HIVEP3: variants seen among roughly 807,000 people sequenced by gnomAD.
The protein encoded by HIVEP3 is HIVEP zinc finger 3.
HIVEP3 carries 49 observed loss-of-function variants against 152.8 expected under a neutral mutation model. That is an observed-to-expected ratio of 0.32 (90% CI 0.26 to 0.41). The LOEUF is 0.41. HIVEP3 is among the 10% of genes least tolerant of loss of function. The probability of loss-of-function intolerance (pLI) is 1.00; values close to 1 mark genes in which losing one functional copy is unlikely to be tolerated. For missense variants in HIVEP3, 2,790 were observed against 3,103.3 expected, an observed-to-expected ratio of 0.90 and a Z score of 2.40; for synonymous variants, 1,269 against 1,289.0, an observed-to-expected ratio of 0.98 and a Z score of 0.33.
At chr1:42,027,933 G>A (rs1645591814) in intron 1 of HIVEP3, among the ~76,000 whole-genome samples, 1 of 152,112 alleles carries the variant, frequency 6.6e-6, no homozygotes, top group African/African-American at 2.4e-5. Flanking sequence ...GGAATTCTGG[G>A]AGATACAATT....
At chr1:41,821,867 T>A (rs1044721243) in intron 1 of HIVEP3, among the ~76,000 whole-genome samples, 1 of 152,214 alleles carries the variant, frequency 6.6e-6, no homozygotes, top group Admixed American at 6.5e-5. Flanking sequence ...GTGTTGATCA[T>A]GCTGCAACAG....
rs115276376 is a variant in HIVEP3 at position 41,713,916 on chromosome 1, G to A, written c.-800-12921C>T. Among the ~76,000 whole-genome samples, 1,307 of 152,330 alleles carry A rather than the reference G, an allele frequency of 8.6e-3. 19 individuals are homozygous for A. Among genetic ancestry groups the A allele is most frequent in the African/African-American group, 0.03 (1,234 of 41,568 alleles). On this transcript the variant is annotated intron_variant, in intron 1 of 8. Coordinates refer to ENST00000372583, the MANE Select transcript of HIVEP3 (RefSeq NM_024503.5). The stretch of plus-strand genomic sequence containing the variant: ...GGTGGCAGGGAGCTGAGAGCCCCCC[G>A]AAACAATGCTGCTGGTCAGTGGGCC...
chr1:41,897,257 G>C (rs1205916003), intron 1 of HIVEP3, among the ~76,000 whole-genome samples: 2 of 152,210 alleles, frequency 1.3e-5, no homozygotes, highest in Non-Finnish European at 2.9e-5. Flanking sequence ...TCTTGCTGAA[G>C]GCAGGCAGGT....
At chr1:41,948,096 T>A (rs1278244883) in intron 1 of HIVEP3, among the ~76,000 whole-genome samples, 1 of 152,232 alleles carries the variant, frequency 6.6e-6, no homozygotes, top group Non-Finnish European at 1.5e-5. Flanking sequence ...TTGAGGGGAC[T>A]TTTTAGAGGT....
chr1:41,604,556 C>T (rs1053682641), intron 3 of HIVEP3, among the ~76,000 whole-genome samples: 5 of 152,176 alleles, frequency 3.3e-5, no homozygotes, highest in Non-Finnish European at 5.9e-5. Flanking sequence ...CATAAAAGTG[C>T]TTGCTGAGGA....
chr1:41,564,103 G>T (rs1372920657), intron 5 of HIVEP3, among the ~76,000 whole-genome samples: 1 of 152,172 alleles, frequency 6.6e-6, no homozygotes, highest in Non-Finnish European at 1.5e-5. Flanking sequence ...TGAGGCAGGA[G>T]AATTGCTTGA....
chr1:41,644,701 T>TC (rs1278942386), intron 2 of HIVEP3, among the ~76,000 whole-genome samples: 12 of 144,846 alleles, frequency 8.3e-5, no homozygotes, highest in African/African-American at 2.8e-4. Flanking sequence ...TTCTTTTTTT[T>TC]TTTTTTTTTT....
chr1:41,820,511 T>C lies in HIVEP3; in HGVS notation c.-801+97902A>G, dbSNP rs549711868. ...GTCCTCATTTGAACAACTGATTACA[T>C]GGTCACTTTTAAAAAATATCCTTAA... is the stretch of plus-strand genomic sequence containing the variant. On this transcript the variant is annotated intron_variant, in intron 1 of 8. Transcript: ENST00000372583. Among the ~76,000 whole-genome samples the C allele has an allele frequency of 7.2e-5, 11 of 152,350 alleles. No individual in the cohort carries two copies. The East Asian group carries it at 1.9e-3, about 27-fold the overall frequency.
intron 3 of HIVEP3, among the ~76,000 whole-genome samples, chr1:41,610,413 C>T (rs1418003245): frequency 6.6e-6 from 1 of 152,258 alleles, no homozygotes; most frequent in Non-Finnish European, 1.5e-5. Context: ...GTCTCATTCA[C>T]CATTACATCC....
chr1:41,858,974 G>A lies in HIVEP3; in HGVS notation c.-801+59439C>T, dbSNP rs1207178982. On this transcript the variant is annotated intron_variant, in intron 1 of 8. Coordinates refer to ENST00000372583, the MANE Select transcript of HIVEP3 (RefSeq NM_024503.5). ...GAAGAGAGGCTGGAGAAGCTGGAGAGGTTGGCAGCTCAGGCTGGAGAGTCC... is the reference window on the plus strand; with the variant it reads ...GAAGAGAGGCTGGAGAAGCTGGAGAAGTTGGCAGCTCAGGCTGGAGAGTCC... 3.3e-5 allele frequency among the ~76,000 whole-genome samples: 5 copies of A among 152,242 alleles called. No individual in the cohort carries two copies. The East Asian group carries it at 9.6e-4, about 29-fold the overall frequency.
chr1:41,860,681 A>C (rs1643875973), intron 1 of HIVEP3, among the ~76,000 whole-genome samples: 1 of 152,170 alleles, frequency 6.6e-6, no homozygotes, highest in Admixed American at 6.5e-5. Flanking sequence ...CTACATTTTC[A>C]CTAAGGGGAT....
intron 1 of HIVEP3, among the ~76,000 whole-genome samples, chr1:41,728,149 T>A (rs1210807642): frequency 2.0e-5 from 3 of 152,200 alleles, no homozygotes; most frequent in African/African-American, 7.2e-5. Context: ...AGACTCTGCA[T>A]GCAACTCCAG....
At chr1:41,798,402 G>A (rs938886456) in intron 1 of HIVEP3, among the ~76,000 whole-genome samples, 1 of 152,026 alleles carries the variant, frequency 6.6e-6, no homozygotes, top group African/African-American at 2.4e-5. Context: ...AATATTACAA[G>A]TCCCTTTGCA....
chr1:41,845,178 G>T (rs1245768014), intron 1 of HIVEP3, among the ~76,000 whole-genome samples: 1 of 150,280 alleles, frequency 6.7e-6, no homozygotes, highest in Non-Finnish European at 1.5e-5. Flanking sequence ...TTTTTCCATG[G>T]TATTTATCAC....
intron 1 of HIVEP3, among the ~76,000 whole-genome samples, chr1:41,836,180 T>A (rs1643117515): frequency 6.6e-6 from 1 of 152,170 alleles, no homozygotes; most frequent in Non-Finnish European, 1.5e-5. Context: ...AGGAGAGACG[T>A]CAAGGACTCC....
intron 1 of HIVEP3, among the ~76,000 whole-genome samples, chr1:41,789,248 T>C (rs1244416260): frequency 6.6e-6 from 1 of 152,220 alleles, no homozygotes; most frequent in African/African-American, 2.4e-5. Context: ...TAGGTGGATG[T>C]AGCCATATGA....
At position 41,918,111 on chromosome 1, in the gene HIVEP3, C is replaced by T. The variant is rs566925575; in HGVS notation, c.-801+302G>A. ...CGGCGCGCATAGGGTTACAGCCCCG[C>T]CGCCGCCGCCGCCGCCGCCGCCTGT... is the stretch of plus-strand genomic sequence containing the variant. On this transcript the variant is annotated intron_variant, in intron 1 of 8. Coordinates refer to ENST00000372583, the MANE Select transcript of HIVEP3 (RefSeq NM_024503.5). The surrounding 1 kb of genome is among the most constrained non-coding windows in gnomAD (Gnocchi z 4.3). 3.4e-5 allele frequency among the ~76,000 whole-genome samples: 5 copies of T among 146,656 alleles called. No homozygotes were observed. The South Asian group carries it at 1.1e-3, about 31-fold the overall frequency.
chr1:41,859,849 A>G (rs1368864775), intron 1 of HIVEP3, among the ~76,000 whole-genome samples: 2 of 152,228 alleles, frequency 1.3e-5, no homozygotes, highest in South Asian at 2.1e-4. Flanking sequence ...CATGTTTAAA[A>G]AGGAAGCCCG....
Position 41,524,872 on chromosome 1 carries a change from C to T in HIVEP3, c.5246G>A (p.Arg1749His), listed in dbSNP as rs945144651. ...SNEEYVYVRGRGRGKYVCEEC... is the reference protein window; with the variant it reads ...SNEEYVYVRGHGRGKYVCEEC... Reference sequence around the variant, plus strand: ...CTCACAAACATATTTCCCTCGGCCGCGGCCTCGCACATATACATACTCTTC... The same window carrying T: ...CTCACAAACATATTTCCCTCGGCCGTGGCCTCGCACATATACATACTCTTC... The change falls in exon 6 of 9, where the codon CGC becomes CAC. Residue 1749 changes from arginine (R) to histidine (H), a missense_variant. Physicochemically the swap from Arg to His is conservative, Grantham distance 29. Coordinates refer to ENST00000372583, the MANE Select transcript of HIVEP3 (RefSeq NM_024503.5). The T allele has an allele frequency of 3.7e-6, 6 of 1,614,014 alleles. No homozygotes were observed. The highest frequency in any genetic ancestry group is 4.5e-5 in the East Asian group (2 of 44,900).
Sources: allele counts gnomAD v4.1 joint callset (sites outside exome capture counted in the v4.1 genomes callset), GRCh38; gene constraint gnomAD v4.1.1; non-coding constraint Gnocchi (gnomAD v3.1); transcripts MANE v1.5; gene names NCBI Gene and HGNC (gene_info 2026-07-23, HGNC 2026-07-21).